Variants in CNTN5 observed in about 807,000 individuals in gnomAD.
CNTN5 encodes the protein contactin 5, also known as contactin-5.
Under a neutral mutation model 129.1 loss-of-function variants are expected in CNTN5, and 77 were observed. The observed-to-expected ratio is 0.60, with a 90% CI of 0.50 to 0.72. CNTN5 has a LOEUF of 0.72. CNTN5 is among the 30% of genes least tolerant of loss of function. CNTN5 has a pLI of 0.00. For synonymous variants in CNTN5, 509 were observed against 465.6 expected (o/e 1.09, Z -1.20); for missense variants, 1,478 against 1,328.8 (o/e 1.11, Z -1.75).
intron 8 of CNTN5, among the ~76,000 whole-genome samples, chr11:99,988,501 G>C (rs1938838958): frequency 6.6e-6 from 1 of 152,216 alleles, no homozygotes; most frequent in African/African-American, 2.4e-5. Flanking sequence ...AAAAAGTAAT[G>C]TGAGTGAGTG....
chr11:99,293,995 A>G (rs1452349550), intron 1 of CNTN5, among the ~76,000 whole-genome samples: 1 of 150,722 alleles, frequency 6.6e-6, no homozygotes, highest in Non-Finnish European at 1.5e-5. Flanking sequence ...TTTTTTGATG[A>G]GCATTGTTAG....
intron 6 of CNTN5, among the ~76,000 whole-genome samples, chr11:99,890,565 ATG>A (rs145649414): frequency 0.11 from 15,901 of 150,188 alleles, 1,259 homozygotes; most frequent in East Asian, 0.35. Flanking sequence ...TGAAATAGAC[ATG>A]TGTGTGTGTA....
At chr11:100,117,921 T>C (rs939216905) in intron 13 of CNTN5, among the ~76,000 whole-genome samples, 1 of 151,880 alleles carries the variant, frequency 6.6e-6, no homozygotes, top group Non-Finnish European at 1.5e-5. Context: ...TTAGTTTACA[T>C]AGGAGAACCT....
intron 2 of CNTN5, among the ~76,000 whole-genome samples, chr11:99,393,603 T>A (rs146181817): frequency 1.5e-4 from 23 of 151,772 alleles, no homozygotes; most frequent in Non-Finnish European, 3.1e-4. Flanking sequence ...AACTGTGTCC[T>A]GTTGCTTTTC....
intron 13 of CNTN5, among the ~76,000 whole-genome samples, chr11:100,114,159 T>A (rs1342538373): frequency 6.6e-6 from 1 of 152,112 alleles, no homozygotes; most frequent in Non-Finnish European, 1.5e-5. Context: ...CCTGATGTGT[T>A]CCACTGTATG....
chr11:99,420,638 A>G (rs577815554), intron 2 of CNTN5, among the ~76,000 whole-genome samples: 1 of 152,272 alleles, frequency 6.6e-6, no homozygotes, highest in East Asian at 1.9e-4. Flanking sequence ...GAGTTGTGGA[A>G]AGGATTAAAT....
At chr11:100,034,930 T>C (rs1268509943) in intron 9 of CNTN5, among the ~76,000 whole-genome samples, 2 of 152,156 alleles carry the variant, frequency 1.3e-5, no homozygotes, top group Non-Finnish European at 1.5e-5. Context: ...ATAGTGCTAG[T>C]GAAGCAACAA....
chr11:100,300,409 G>A (rs928531120), intron 20 of CNTN5, among the ~76,000 whole-genome samples: 4 of 151,392 alleles, frequency 2.6e-5, no homozygotes, highest in Admixed American at 2.0e-4. Context: ...ATTTACAAAT[G>A]ACTGAGAAAA....
At chr11:99,431,822 GTATT>G (rs1232816669) in intron 2 of CNTN5, among the ~76,000 whole-genome samples, 1 of 152,170 alleles carries the variant, frequency 6.6e-6, no homozygotes, top group Non-Finnish European at 1.5e-5. Context: ...GAGGACTTGA[GTATT>G]TAAAGCAGAA....
At chr11:99,676,765 A>G (rs997036175) in intron 3 of CNTN5, among the ~76,000 whole-genome samples, 4 of 152,206 alleles carry the variant, frequency 2.6e-5, no homozygotes, top group Non-Finnish European at 5.9e-5. Flanking sequence ...CCACTGTGGA[A>G]AAATAAATCT....
At position 99,182,349 on chromosome 11, in the gene CNTN5, G is replaced by A. The variant is rs561763810; in HGVS notation, c.-209-142997G>A. Among the ~76,000 whole-genome samples, 44 of 152,242 alleles carry A rather than the reference G, an allele frequency of 2.9e-4. No individual in the cohort carries two copies. The South Asian group carries it at 8.3e-3, about 29-fold the overall frequency. ...GAGGAATGAAGCACTATTGAATGTTGTACCTCACAGTCATGCTCTGTAGGA... is the reference window on the plus strand; with the variant it reads ...GAGGAATGAAGCACTATTGAATGTTATACCTCACAGTCATGCTCTGTAGGA... On this transcript the variant is annotated intron_variant, in intron 1 of 24. Coordinates refer to ENST00000524871, the MANE Select transcript of CNTN5 (RefSeq NM_014361.4).
At chr11:99,869,294 T>G (rs1948438738) in intron 6 of CNTN5, among the ~76,000 whole-genome samples, 1 of 152,168 alleles carries the variant, frequency 6.6e-6, no homozygotes, top group East Asian at 1.9e-4. Context: ...CTCCAAGAAA[T>G]TGTGAATTGT....
intron 3 of CNTN5, among the ~76,000 whole-genome samples, chr11:99,777,187 C>A (rs1052773940): frequency 1.3e-5 from 2 of 151,680 alleles, no homozygotes; most frequent in African/African-American, 4.8e-5. Context: ...TGACAATTTA[C>A]TATTCAAAAA....
intron 6 of CNTN5, among the ~76,000 whole-genome samples, chr11:99,846,357 C>CAAAAAA (rs35705639): frequency 6.0e-4 from 37 of 61,344 alleles, no homozygotes; most frequent in East Asian, 1.5e-3. Flanking sequence ...GGATCTGTCT[C>CAAAAAA]AAAAAAAAAA....
chr11:99,462,522 A>G (rs1053714579), intron 2 of CNTN5, among the ~76,000 whole-genome samples: 2 of 151,778 alleles, frequency 1.3e-5, no homozygotes, highest in Non-Finnish European at 2.9e-5. Flanking sequence ...TTGATTCTTA[A>G]CTAGTCCCAA....
intron 13 of CNTN5, among the ~76,000 whole-genome samples, chr11:100,161,553 G>C (rs1159589215): frequency 6.6e-6 from 1 of 151,830 alleles, no homozygotes; most frequent in Non-Finnish European, 1.5e-5. Flanking sequence ...ACTTTACAGA[G>C]AGAATGTCTA....
intron 13 of CNTN5, among the ~76,000 whole-genome samples, chr11:100,147,117 G>C (rs140362312): frequency 6.9e-4 from 105 of 152,158 alleles, no homozygotes; most frequent in African/African-American, 2.4e-3. Flanking sequence ...CAAGGTCTCT[G>C]CAACCTGGTT....
chr11:99,270,655 T>A (rs1863129390), intron 1 of CNTN5, among the ~76,000 whole-genome samples: 1 of 151,964 alleles, frequency 6.6e-6, no homozygotes, highest in Admixed American at 6.6e-5. Flanking sequence ...TAAAATTTTG[T>A]GAGTTAAAGT....
intron 15 of CNTN5, among the ~76,000 whole-genome samples, chr11:100,214,762 G>A (rs922690125): frequency 6.6e-6 from 1 of 152,108 alleles, no homozygotes. Flanking sequence ...CCACTTGTAG[G>A]TACCACATTA....
Sources: allele counts gnomAD v4.1 joint callset (sites outside exome capture counted in the v4.1 genomes callset), GRCh38; gene constraint gnomAD v4.1.1; transcripts MANE v1.5; gene names NCBI Gene and HGNC (gene_info 2026-07-23, HGNC 2026-07-21).